The following DCLRE1C variants were observed in gnomAD, a reference collection of about 807,000 sequenced individuals.
DCLRE1C encodes the protein protein artemis.
In DCLRE1C, 47 loss-of-function variants were observed where a neutral mutation model predicts 61.4. That is an observed-to-expected ratio of 0.77 (90% CI 0.61 to 0.98). DCLRE1C has a LOEUF of 0.98. Among genes scored for constraint, DCLRE1C ranks in the 50% least tolerant of loss-of-function variants. DCLRE1C has a pLI of 0.00. For synonymous variants in DCLRE1C, 337 were observed against 287.6 expected (o/e 1.17, Z -1.74); for missense variants, 858 against 816.0 (o/e 1.05, Z -0.63).
intron 8 of DCLRE1C, among the ~76,000 whole-genome samples, chr10:14,934,023 G>A (rs899456940): frequency 6.6e-6 from 1 of 152,050 alleles, no homozygotes; most frequent in African/African-American, 2.4e-5. Flanking sequence ...AGGATGGAAG[G>A]GAGCAAGAGA....
chr10:14,947,066 G>C (rs913315420), intron 2 of DCLRE1C, among the ~76,000 whole-genome samples: 1 of 152,134 alleles, frequency 6.6e-6, no homozygotes, highest in Non-Finnish European at 1.5e-5. Flanking sequence ...TAAAAAATTA[G>C]TTGGGCTTAG....
At chr10:14,922,040 G>A (rs2130774432) in intron 12 of DCLRE1C, among the ~76,000 whole-genome samples, 1 of 152,342 alleles carries the variant, frequency 6.6e-6, no homozygotes, top group Admixed American at 6.5e-5. Flanking sequence ...CTTGTGTGCT[G>A]CCTTTGCACC....
chr10:14,930,904 C>T (rs1006291514), intron 9 of DCLRE1C, among the ~76,000 whole-genome samples: 4 of 152,312 alleles, frequency 2.6e-5, no homozygotes, highest in East Asian at 3.9e-4. Context: ...ATAATTTACA[C>T]TGCAGCTCTC....
intron 2 of DCLRE1C, chr10:14,945,561 T>C (rs1175474721): frequency 9.4e-7 from 1 of 1,066,144 alleles, no homozygotes; most frequent in South Asian, 2.9e-5. Flanking sequence ...TGTGATCAGG[T>C]GTGTCTGGAA....
At chr10:14,915,193 GTCTCAAA>G (rs1382075532) in intron 13 of DCLRE1C, among the ~76,000 whole-genome samples, 1 of 152,006 alleles carries the variant, frequency 6.6e-6, no homozygotes, top group Non-Finnish European at 1.5e-5. Context: ...AGAAAATAAG[GTCTCAAA>G]TCAACGACCT....
At chr10:14,900,419 A>G (rs939542774), downstream of DCLRE1C, among the ~76,000 whole-genome samples, 1 of 152,232 alleles carries the variant, frequency 6.6e-6, no homozygotes, top group Non-Finnish European at 1.5e-5. Flanking sequence ...GAAGTAGACC[A>G]TGTTAAACTT....
At chr10:14,936,162 G>C (rs922257270) in intron 5 of DCLRE1C, among the ~76,000 whole-genome samples, 1 of 152,074 alleles carries the variant, frequency 6.6e-6, no homozygotes, top group Admixed American at 6.5e-5. Flanking sequence ...CCAAAGTGCC[G>C]GGATTACAGG....
chr10:14,932,752 T>A, intron 9 of DCLRE1C, 102 bp downstream of exon 9: 2 of 1,377,018 alleles, frequency 1.5e-6, no homozygotes. Flanking sequence ...CAGCCTCAGG[T>A]TTTACATTTG....
downstream of DCLRE1C, chr10:14,901,000 C>A: frequency 8.3e-7 from 1 of 1,212,020 alleles, no homozygotes. Flanking sequence ...CCTCAAAGAC[C>A]TCTAAGCAAT....
At chr10:14,909,686 T>C (rs996056780) in intron 13 of DCLRE1C, among the ~76,000 whole-genome samples, 1 of 152,194 alleles carries the variant, frequency 6.6e-6, no homozygotes, top group African/African-American at 2.4e-5. Context: ...AATAATTTGA[T>C]TTTTAAGTTC....
intron 5 of DCLRE1C, among the ~76,000 whole-genome samples, chr10:14,935,857 C>A (rs189440529): frequency 1.3e-5 from 2 of 152,134 alleles, no homozygotes; most frequent in African/African-American, 2.4e-5. Context: ...GAGAAATACA[C>A]GTGATGATAA....
At chr10:14,900,415 G>T (rs1347579170), downstream of DCLRE1C, among the ~76,000 whole-genome samples, 3 of 152,200 alleles carry the variant, frequency 2.0e-5, no homozygotes, top group Non-Finnish European at 2.9e-5. Context: ...AAAGGAAGTA[G>T]ACCATGTTAA....
intron 8 of DCLRE1C, among the ~76,000 whole-genome samples, chr10:14,933,814 C>T (rs41297042): frequency 6.6e-6 from 1 of 152,028 alleles, no homozygotes. Flanking sequence ...TTTGTCTATG[C>T]GGCATTTCAC....
intron 9 of DCLRE1C, among the ~76,000 whole-genome samples, chr10:14,931,748 A>G (rs1839034442): frequency 1.3e-5 from 2 of 152,174 alleles, no homozygotes; most frequent in South Asian, 4.1e-4. Context: ...ATGAGTCTCA[A>G]AAAGCACAGG....
chr10:14,934,454 C>A lies in DCLRE1C; in HGVS notation c.604G>T (p.Val202Leu), dbSNP rs745483988. 8.7e-6 allele frequency: 14 copies of A among 1,614,074 alleles called. No homozygotes were observed. Among genetic ancestry groups the A allele is most frequent in the Non-Finnish European group, 1.2e-5 (14 of 1,180,050 alleles). The change falls in exon 8 of 14, where the codon GTG (valine) becomes TTG (leucine). Residue 202 changes from valine (V) to leucine (L), a missense_variant. By Grantham distance (32) the Val-to-Leu change is conservative (BLOSUM62 1). Around this residue, in one of 2 missense-constraint regions of DCLRE1C, gnomAD observed 843 missense variants for 783.5 expected, o/e 1.08. Coordinates refer to ENST00000378278, the MANE Select transcript of DCLRE1C (RefSeq NM_001033855.3). ...SWITRSPYHV[V>L]WLNCKAAYGY... The stretch of plus-strand genomic sequence containing the variant: ...TAAGCCGCTTTGCAGTTCAGCCACA[C>A]AACATGGTACGGGCTCCGAGTGATC...
At chr10:14,904,595 CTA>C (rs1217890131), downstream of DCLRE1C, among the ~76,000 whole-genome samples, 1 of 152,008 alleles carries the variant, frequency 6.6e-6, no homozygotes, top group Non-Finnish European at 1.5e-5. Flanking sequence ...GAAAAAAAGA[CTA>C]TTTTCAGTAA....
chr10:14,926,800 A>C (rs1424924941), intron 11 of DCLRE1C, 43 bp downstream of exon 11: 1 of 1,520,938 alleles, frequency 6.6e-7, no homozygotes, highest in Non-Finnish European at 9.1e-7. Flanking sequence ...AAGGCTGCAG[A>C]ACACTGAGCG....
chr10:14,933,897 T>C (rs1839435632), intron 8 of DCLRE1C, among the ~76,000 whole-genome samples: 1 of 152,194 alleles, frequency 6.6e-6, no homozygotes, highest in Admixed American at 6.5e-5. Context: ...TAAGATGATA[T>C]ATTCCTTCAG....
chr10:14,928,023 T>A lies in DCLRE1C; in HGVS notation c.910A>T (p.Ile304Phe), dbSNP rs1405550369. Reference sequence around the variant, plus strand: ...ATGATATTGCTCTCTTACCTCACAATTACATTTGTTTTTCTGCTCCTTTCT... The same window carrying A: ...ATGATATTGCTCTCTTACCTCACAAATACATTTGTTTTTCTGCTCCTTTCT... ...FGERSRKTNV[I>F]VRTGESSYRA... Residue 304 changes from isoleucine to phenylalanine, a missense_variant, in exon 10 of 14, where the codon ATT becomes TTT. Ile to Phe is a conservative substitution (Grantham distance 21, BLOSUM62 0). Around this residue, in one of 2 missense-constraint regions of DCLRE1C, gnomAD observed 843 missense variants for 783.5 expected, o/e 1.08. Coordinates refer to ENST00000378278, the MANE Select transcript of DCLRE1C (RefSeq NM_001033855.3). 1 of 1,613,648 alleles carries A rather than the reference T, an allele frequency of 6.2e-7. No individual in the cohort carries two copies. The highest frequency in any genetic ancestry group is 2.2e-5 in the East Asian group (1 of 44,824).
Sources: gnomAD v4.1 joint callset for allele counts (sites outside exome capture counted in the v4.1 genomes callset) on GRCh38, gnomAD v4.1.1 for gene constraint, gnomAD v4.1.1 regional missense constraint, MANE v1.5 for transcripts, NCBI Gene and HGNC (gene_info 2026-07-23, HGNC 2026-07-21) for gene names.